The following BMERB1 variants were observed in gnomAD, a reference collection of about 807,000 sequenced individuals.
The protein encoded by BMERB1 is bMERB domain-containing protein 1.
A neutral mutation model predicts 23.6 loss-of-function variants in BMERB1; 12 were observed. That is an observed-to-expected ratio of 0.51 (90% CI 0.33 to 0.82). The LOEUF (loss-of-function observed/expected upper bound fraction) is 0.82, where lower values mean the gene tolerates loss of function less well. Among genes scored for constraint, BMERB1 ranks in the 40% least tolerant of loss-of-function variants. The probability of loss-of-function intolerance (pLI) is 0.03; values close to 1 mark genes in which losing one functional copy is unlikely to be tolerated. For missense variants in BMERB1, 247 were observed against 255.4 expected (o/e 0.97, Z 0.22); for synonymous variants, 122 against 96.6 (o/e 1.26, Z -1.54).
intron 1 of BMERB1, among the ~76,000 whole-genome samples, chr16:15,491,511 C>T (rs896342856): frequency 6.6e-6 from 1 of 152,108 alleles, no homozygotes; most frequent in African/African-American, 2.4e-5. Flanking sequence ...ATTGAAATAC[C>T]ATCAATAGGT....
chr16:15,445,058 T>C (rs1173837872), intron 1 of BMERB1, among the ~76,000 whole-genome samples: 1 of 152,144 alleles, frequency 6.6e-6, no homozygotes, highest in East Asian at 1.9e-4. Context: ...GTGTGGCTAA[T>C]TTTTACAATT....
intron 1 of BMERB1, among the ~76,000 whole-genome samples, chr16:15,492,812 G>C (rs138237442): frequency 2.0e-5 from 3 of 152,014 alleles, no homozygotes; most frequent in Non-Finnish European, 4.4e-5. Context: ...CCAGCTACTC[G>C]GGAGGCTAAG....
chr16:15,579,783 C>T (rs2030961653), intron 3 of BMERB1, among the ~76,000 whole-genome samples: 1 of 152,150 alleles, frequency 6.6e-6, no homozygotes, highest in South Asian at 2.1e-4. Flanking sequence ...AAAAAAACAA[C>T]TAGTTCCCTC....
chr16:15,502,996 C>T (rs952288558), intron 1 of BMERB1, among the ~76,000 whole-genome samples: 3 of 152,208 alleles, frequency 2.0e-5, no homozygotes, highest in Non-Finnish European at 4.4e-5. Context: ...TTTGTGATGT[C>T]TAGGCACTAC....
intron 1 of BMERB1, among the ~76,000 whole-genome samples, chr16:15,466,217 C>A (rs924315237): frequency 3.3e-5 from 5 of 152,138 alleles, no homozygotes; most frequent in Non-Finnish European, 1.5e-5. Flanking sequence ...GTAATAATCA[C>A]CATTTCCTTA....
chr16:15,442,697 G>A (rs2050950580), intron 1 of BMERB1, among the ~76,000 whole-genome samples: 1 of 152,142 alleles, frequency 6.6e-6, no homozygotes, highest in African/African-American at 2.4e-5. Flanking sequence ...ATGACATAAG[G>A]AGAATTATTA....
At chr16:15,551,520 G>A (rs775214189) in intron 2 of BMERB1, among the ~76,000 whole-genome samples, 4 of 152,172 alleles carry the variant, frequency 2.6e-5, no homozygotes, top group Non-Finnish European at 5.9e-5. Flanking sequence ...AAGGAGAAGG[G>A]ATTAGTGAAG....
rs5815836 is a variant in BMERB1, at chr16:15,504,778, T to TA, written c.107-10516dup. Among the ~76,000 whole-genome samples, 52 of 148,814 alleles carry TA rather than the reference T, an allele frequency of 3.5e-4. 1 individual carries two copies. The South Asian group carries it at 4.5e-3, about 13-fold the overall frequency. ...ACATTTTCTAGAAATATAAAAGTAT[T>TA]AAAAAAAAAAAGTATATTTAAAAAC... On this transcript the variant is annotated intron_variant, in intron 1 of 5. Transcript: ENST00000300006.
chr16:15,502,431 A>G, intron 1 of BMERB1: 2 of 1,423,338 alleles, frequency 1.4e-6, no homozygotes, highest in East Asian at 2.5e-5. Context: ...AGGCTGGGAG[A>G]AATCGAGCAG....
At chr16:15,439,980 C>T (rs890757657) in intron 1 of BMERB1, among the ~76,000 whole-genome samples, 3 of 152,068 alleles carry the variant, frequency 2.0e-5, no homozygotes, top group African/African-American at 7.2e-5. Flanking sequence ...TGTGGTGGCT[C>T]ATGCCTGTAA....
intron 1 of BMERB1, among the ~76,000 whole-genome samples, chr16:15,501,879 C>T (rs145953007): frequency 8.0e-4 from 122 of 152,348 alleles, no homozygotes; most frequent in Non-Finnish European, 1.3e-3. Flanking sequence ...CCCTTGGCCT[C>T]TCAAAGTGCT....
intron 1 of BMERB1, among the ~76,000 whole-genome samples, chr16:15,494,888 T>TC (rs1433683061): frequency 3.5e-5 from 5 of 143,082 alleles, no homozygotes; most frequent in African/African-American, 1.3e-4. Context: ...TTTTTTTTTT[T>TC]TTTTTTTTTT....
chr16:15,486,201 CAA>C (rs35607256), intron 1 of BMERB1, among the ~76,000 whole-genome samples: 5 of 104,254 alleles, frequency 4.8e-5, no homozygotes, highest in Non-Finnish European at 7.8e-5. Context: ...GACTCCATCT[CAA>C]AAAAAAAAAA....
At chr16:15,492,896 G>C (rs994635534) in intron 1 of BMERB1, among the ~76,000 whole-genome samples, 13 of 151,518 alleles carry the variant, frequency 8.6e-5, no homozygotes, top group African/African-American at 3.2e-4. Flanking sequence ...TCCAGCCTGA[G>C]TGACAATATG....
intron 1 of BMERB1, among the ~76,000 whole-genome samples, chr16:15,484,739 A>G (rs775556933): frequency 2.6e-5 from 4 of 152,206 alleles, no homozygotes; most frequent in African/African-American, 4.8e-5. Context: ...CGAAATTCAC[A>G]TAACATAGCA....
intron 3 of BMERB1, 69 bp downstream of exon 3, chr16:15,568,125 G>C (rs568713063): frequency 7.4e-7 from 1 of 1,352,704 alleles, no homozygotes; most frequent in Admixed American, 1.8e-5. Context: ...CCATCTGTAC[G>C]CCTGGGTCTG....
At chr16:15,469,961 G>A (rs531225360) in intron 1 of BMERB1, among the ~76,000 whole-genome samples, 112 of 152,180 alleles carry the variant, frequency 7.4e-4, no homozygotes, top group African/African-American at 2.5e-3. Flanking sequence ...TTCCTAATTT[G>A]TATGCCTTTT....
intron 1 of BMERB1, among the ~76,000 whole-genome samples, chr16:15,470,896 G>A (rs1403532631): frequency 2.9e-5 from 4 of 136,338 alleles, no homozygotes; most frequent in African/African-American, 5.6e-5. Context: ...CAGTGCAGTG[G>A]TGCAATCTCG....
chr16:15,581,170 G>A, intron 3 of BMERB1, 47 bp from the exon 4 acceptor site: 1 of 1,453,590 alleles, frequency 6.9e-7, no homozygotes, highest in Non-Finnish European at 9.5e-7. Context: ...GCCCACCTCA[G>A]CCTCCCAAAA....
Sources: allele counts gnomAD v4.1 joint callset (sites outside exome capture counted in the v4.1 genomes callset), GRCh38; gene constraint gnomAD v4.1.1; transcripts MANE v1.5; gene names NCBI Gene and HGNC (gene_info 2026-07-23, HGNC 2026-07-21).